Variants in KANK1 observed in about 807,000 individuals in gnomAD.
KANK1 encodes the protein KN motif and ankyrin repeat domain-containing protein 1.
KANK1 carries 109 observed loss-of-function variants against 106.2 expected under a neutral mutation model. That is an observed-to-expected ratio of 1.03 (90% CI 0.88 to 1.20). The LOEUF is 1.20. Ranked by LOEUF, KANK1 falls within the 50% of genes most tolerant of loss-of-function variation. The pLI, the probability that KANK1 is intolerant of heterozygous loss-of-function variation, is 0.00. For synonymous variants in KANK1, 873 were observed against 652.2 expected, an observed-to-expected ratio of 1.34 and a Z score of -5.16; for missense variants, 2,399 against 1,710.7, an observed-to-expected ratio of 1.40 and a Z score of -7.10.
chr9:587,178 T>C (rs937026053), intron 1 of KANK1, among the ~76,000 whole-genome samples: 2 of 152,202 alleles, frequency 1.3e-5, no homozygotes, highest in Non-Finnish European at 2.9e-5. Flanking sequence ...TATCATGAAG[T>C]TGTCATGTTT....
At chr9:657,313 G>C (rs1842363933) in intron 1 of KANK1, among the ~76,000 whole-genome samples, 1 of 152,166 alleles carries the variant, frequency 6.6e-6, no homozygotes, top group Non-Finnish European at 1.5e-5. Context: ...TGGTCATTGT[G>C]AATAATTCTG....
intron 1 of KANK1, among the ~76,000 whole-genome samples, chr9:571,535 C>T (rs1819159114): frequency 6.7e-6 from 1 of 150,238 alleles, no homozygotes; most frequent in African/African-American, 2.5e-5. Flanking sequence ...TTGTAGTAGG[C>T]AAGGAAACAG....
intron 8 of KANK1, 91 bp from the exon 9 acceptor site, chr9:740,701 C>T: frequency 7.3e-7 from 1 of 1,374,962 alleles, no homozygotes; most frequent in Non-Finnish European, 1.0e-6. Flanking sequence ...TCACTGGGCT[C>T]CTGTAAACAC....
chr9:666,488 A>C (rs144158930), intron 1 of KANK1, among the ~76,000 whole-genome samples: 32 of 152,216 alleles, frequency 2.1e-4, no homozygotes, highest in African/African-American at 7.0e-4. Context: ...TGTTGAATGA[A>C]AGTAGTGAAA....
intron 1 of KANK1, among the ~76,000 whole-genome samples, chr9:648,780 A>T (rs1050940797): frequency 6.6e-6 from 1 of 152,182 alleles, no homozygotes; most frequent in Non-Finnish European, 1.5e-5. Context: ...ATGTGAAAAC[A>T]CTGTAAAATT....
intron 3 of KANK1, among the ~76,000 whole-genome samples, chr9:725,063 A>G (rs1830315176): frequency 6.6e-6 from 1 of 152,138 alleles, no homozygotes; most frequent in Admixed American, 6.5e-5. Flanking sequence ...TTGAGGAGGA[A>G]GTTGGAGTTG....
chr9:598,630 TTTTTTTTTTTTTTTTTTTTTGA>T lies in KANK1; in HGVS notation c.-83-78259_-83-78238del, dbSNP rs1324073115. 1.2e-4 allele frequency among the ~76,000 whole-genome samples: 13 copies of T among 104,106 alleles called. 1 individual carries two copies. In the East Asian group the frequency reaches 3.4e-3, roughly 27 times the overall value. 68.3% of individuals were successfully genotyped at this position (104,106 alleles called of 152,430 possible). A position where few individuals can be genotyped will look rare whatever the true frequency, so the allele number is the denominator to read the frequency against. On this transcript the variant is annotated intron_variant, in intron 1 of 11. Transcript: ENST00000382297. ...TGTTTTGTTGGTTTTCTTTTTTTTT[TTTTTTTTTTTTTTTTTTTTTGA>T]GACAGTCTCATTCTGTTGCCCAGGC...
At chr9:631,711 C>G (rs1463017613) in intron 1 of KANK1, among the ~76,000 whole-genome samples, 1 of 152,202 alleles carries the variant, frequency 6.6e-6, no homozygotes, top group East Asian at 1.9e-4. Context: ...CATGCAAAAC[C>G]TGTAGTCATC....
intron 1 of KANK1, among the ~76,000 whole-genome samples, chr9:515,220 C>T (rs892191783): frequency 1.1e-4 from 16 of 151,516 alleles, no homozygotes; most frequent in African/African-American, 3.9e-4. Flanking sequence ...TGGCGGGAGC[C>T]TGTAGTCCCA....
Position 580,841 on chromosome 9 carries a change from C to T in KANK1, c.-84+76087C>T, listed in dbSNP as rs1471320444. ...CAGGGGGCGGTGCTCGTTGGGGAGG[C>T]TTGGGCTGCGCTGGAGCCCACGGCA... On this transcript the variant is annotated intron_variant, in intron 1 of 11. Transcript: ENST00000382297. Among the ~76,000 whole-genome samples the T allele has an allele frequency of 5.3e-5, 8 of 152,282 alleles. No homozygotes were observed. The East Asian group carries it at 1.4e-3, about 26-fold the overall frequency.
intron 1 of KANK1, among the ~76,000 whole-genome samples, chr9:676,313 C>G (rs902681290): frequency 1.1e-4 from 16 of 152,118 alleles, no homozygotes; most frequent in Non-Finnish European, 1.9e-4. Flanking sequence ...TCCAACGGCA[C>G]AGTGGGAGAT....
At chr9:744,684 G>A in intron 11 of KANK1, 95 bp downstream of exon 11, 1 of 1,605,220 alleles carries the variant, frequency 6.2e-7, no homozygotes, top group South Asian at 1.1e-5. Context: ...CAGATTTTAT[G>A]TTGATTCAGA....
In KANK1 at chr9:738,505, G is replaced by T; in HGVS notation, c.3553+1G>T. 1.9e-6 allele frequency: 3 copies of T among 1,611,350 alleles called. No individual in the cohort carries two copies. The highest frequency in any genetic ancestry group is 2.5e-6 in the Non-Finnish European group (3 of 1,177,480). ...ATTGTGAAGCTGCTGTTAGATGCCG[G>T]TATGTTGGCTGCCCTTCCACCCTCT... On this transcript the variant is annotated splice_donor_variant, in intron 8 of 11. Coordinates refer to ENST00000382297, the MANE Select transcript of KANK1 (RefSeq NM_015158.5). LOFTEE classifies it high-confidence loss of function.
intron 2 of KANK1, among the ~76,000 whole-genome samples, chr9:685,052 T>A (rs1818288575): frequency 6.6e-6 from 1 of 152,208 alleles, no homozygotes; most frequent in Non-Finnish European, 1.5e-5. Flanking sequence ...TCTTTTTCCT[T>A]CCTTGGCTTC....
Position 573,694 on chromosome 9 carries a change from G to A in KANK1, c.-84+68940G>A, listed in dbSNP as rs1020541344. Among the ~76,000 whole-genome samples the A allele has an allele frequency of 4.4e-4, 67 of 152,110 alleles. 1 individual carries two copies. The highest frequency in any genetic ancestry group is 1.6e-3 in the African/African-American group (67 of 41,414). On this transcript the variant is annotated intron_variant, in intron 1 of 11. Coordinates refer to ENST00000382297, the MANE Select transcript of KANK1 (RefSeq NM_015158.5). Reference sequence around the variant, plus strand: ...TTATCTTAAAGAAAATGTTAAAATGGTTGACGTTTTCTAGCTCAACACTCC... The same window carrying A: ...TTATCTTAAAGAAAATGTTAAAATGATTGACGTTTTCTAGCTCAACACTCC...
chr9:599,271 G>C lies in KANK1; in HGVS notation c.-83-77619G>C, dbSNP rs556545220. On this transcript the variant is annotated intron_variant, in intron 1 of 11. Coordinates refer to ENST00000382297, the MANE Select transcript of KANK1 (RefSeq NM_015158.5). ...GACCTCAGGTGATCTGCCCATCCCAGCCTCCCAAAGTGCTGGGATTATAGT... is the reference window on the plus strand; with the variant it reads ...GACCTCAGGTGATCTGCCCATCCCACCCTCCCAAAGTGCTGGGATTATAGT... 1.1e-4 allele frequency among the ~76,000 whole-genome samples: 16 copies of C among 151,298 alleles called. 1 individual carries two copies. The highest frequency in any genetic ancestry group is 3.9e-4 in the African/African-American group (16 of 40,922).
At chr9:683,092 G>C (rs983942305) in intron 2 of KANK1, among the ~76,000 whole-genome samples, 8 of 152,156 alleles carry the variant, frequency 5.3e-5, no homozygotes, top group African/African-American at 1.9e-4. Flanking sequence ...GAAACACACA[G>C]CACAGCAGAG....
chr9:673,779 C>T (rs1039619991), intron 1 of KANK1: 1 of 151,934 alleles, frequency 6.6e-6, no homozygotes, highest in African/African-American at 2.4e-5. Context: ...GCAGCTTGTC[C>T]CTTCTTGTCT....
chr9:701,464 G>A (rs748129458), intron 2 of KANK1, among the ~76,000 whole-genome samples: 3 of 152,094 alleles, frequency 2.0e-5, no homozygotes, highest in African/African-American at 7.2e-5. Flanking sequence ...TATTCTTCTC[G>A]CTGTCCCCAG....
Sources: allele counts gnomAD v4.1 joint callset (sites outside exome capture counted in the v4.1 genomes callset), GRCh38; gene constraint gnomAD v4.1.1; transcripts MANE v1.5; gene names NCBI Gene and HGNC (gene_info 2026-07-23, HGNC 2026-07-21).